NIT1: variants seen among roughly 807,000 people sequenced by gnomAD.
The protein encoded by NIT1 is nitrilase 1, also known as deaminated glutathione amidase.
NIT1 carries 30 observed loss-of-function variants against 36.8 expected under a neutral mutation model. The ratio of observed to expected loss-of-function variants is 0.82; its 90% CI spans 0.61 to 1.11. The LOEUF is 1.11. Ranked by LOEUF, NIT1 falls within the 50% of genes least tolerant of loss-of-function variation. The probability of loss-of-function intolerance (pLI) is 0.00; values close to 1 mark genes in which losing one functional copy is unlikely to be tolerated. For missense variants in NIT1, 438 were observed against 410.6 expected (o/e 1.07, Z -0.58); for synonymous variants, 151 against 155.6 (o/e 0.97, Z 0.22).
At position 161,119,171 on chromosome 1, in the gene NIT1, C is replaced by A. The variant is rs772170948; in HGVS notation, c.136C>A (p.Leu46Met). The change falls in exon 3 of 7, where the codon CTG becomes ATG. Residue 46 changes from leucine (L) to methionine (M), a missense_variant. Leu to Met is a conservative substitution (Grantham distance 15). Transcript: ENST00000368009. ...GGCTATCTCCTCTTCCTCCTGCGAA[C>A]TGCCCCTGGTGGCTGTGTGCCAGGT... ...AMAISSSSCE[L>M]PLVAVCQVTS... 4 of 1,614,122 alleles carry A rather than the reference C, an allele frequency of 2.5e-6. No homozygotes were observed. Among genetic ancestry groups the A allele is most frequent in the Non-Finnish European group, 3.4e-6 (4 of 1,180,030 alleles).
At position 161,120,994 on chromosome 1, in the gene NIT1, T is replaced by G; in HGVS notation, c.*229T>G. 1 of 1,399,178 alleles carries G rather than the reference T, an allele frequency of 7.1e-7. No individual in the cohort carries two copies. Among genetic ancestry groups the G allele is most frequent in the Non-Finnish European group, 9.3e-7 (1 of 1,078,816 alleles). The allele number at this position is 1,399,178 out of a possible 1,614,324, so 86.7% of individuals were successfully genotyped here. A position where few individuals can be genotyped will look rare whatever the true frequency, so the allele number is the denominator to read the frequency against. On this transcript the variant is annotated 3_prime_UTR_variant, in exon 7 of 7. Coordinates refer to ENST00000368009, the MANE Select transcript of NIT1 (RefSeq NM_005600.3). Reference sequence around the variant, plus strand: ...AGGTGGAATTTTATATAGTCATTGTTTATTTCATGGAAACTGAAGTTCTGC... The same window carrying G: ...AGGTGGAATTTTATATAGTCATTGTGTATTTCATGGAAACTGAAGTTCTGC...
In NIT1 at chr1:161,118,328, G is replaced by T; in HGVS notation, c.2+150G>T. Reference sequence around the variant, plus strand: ...AGGGTGGAGGGCGGGGCGCGGCTTGGGGCCTGGGTTCCTTTGCCCCTTGCC... The same window carrying T: ...AGGGTGGAGGGCGGGGCGCGGCTTGTGGCCTGGGTTCCTTTGCCCCTTGCC... On this transcript the variant is annotated intron_variant, in intron 1 of 6. Coordinates refer to ENST00000368009, the MANE Select transcript of NIT1 (RefSeq NM_005600.3). 5.9e-6 allele frequency: 9 copies of T among 1,531,978 alleles called. No individual in the cohort carries two copies. In the South Asian group the frequency reaches 9.6e-5, roughly 16 times the overall value. 94.9% of individuals were successfully genotyped at this position (1,531,978 alleles called of 1,614,324 possible).
At position 161,121,069 on chromosome 1, in the gene NIT1, GTGTC is replaced by G; in HGVS notation, c.*307_*310del. ...GAAAAATATAATAATCATAAAGTCT[GTGTC>G]TGGACATCGCCTTTGGGAACTAGAA... On this transcript the variant is annotated 3_prime_UTR_variant, in exon 7 of 7. Transcript: ENST00000368009. 3.3e-6 allele frequency: 4 copies of G among 1,212,536 alleles called. No homozygotes were observed. The highest frequency in any genetic ancestry group is 3.1e-6 in the Non-Finnish European group (3 of 965,744). 75.1% of individuals were successfully genotyped at this position (1,212,536 alleles called of 1,614,324 possible).
At chr1:161,120,272 A>T (rs1655309552) in intron 6 of NIT1, 40 bp downstream of exon 6, 1 of 1,608,992 alleles carries the variant, frequency 6.2e-7, no homozygotes, top group Admixed American at 1.7e-5. Context: ...GCCTTTTCTT[A>T]ACCTCATCTT....
chr1:161,122,048 G>A, downstream of NIT1: 1 of 1,414,224 alleles, frequency 7.1e-7, no homozygotes, highest in Middle Eastern at 2.6e-4. The surrounding 1 kb of genome is among the most constrained non-coding windows in gnomAD (Gnocchi z 4.2). Flanking sequence ...AAAAGGCAGG[G>A]GTGTGATTGG....
chr1:161,118,249 A>T, intron 1 of NIT1, 71 bp downstream of exon 1: 1 of 1,613,220 alleles, frequency 6.2e-7, no homozygotes, highest in African/African-American at 1.3e-5. Context: ...TGTAACAGAG[A>T]TGCTGCCTCT....
At chr1:161,122,576 T>G (rs1380240767), downstream of NIT1, 1 of 1,568,826 alleles carries the variant, frequency 6.4e-7, no homozygotes, top group Non-Finnish European at 8.6e-7. This position sits in a 1 kb window ranked among gnomAD's most constrained non-coding sequence, Gnocchi z 4.2. Flanking sequence ...GGGATGAGTT[T>G]ACAAGCCAAG....
At position 161,120,654 on chromosome 1, in the gene NIT1, C is replaced by T. The variant is rs762579888; in HGVS notation, c.873C>T (p.Leu291=). The T allele has an allele frequency of 5.0e-6, 8 of 1,614,112 alleles. No homozygotes were observed. The highest frequency in any genetic ancestry group is 5.9e-6 in the Non-Finnish European group (7 of 1,180,060). The change falls in exon 7 of 7, where the codon CTC becomes CTT. Residue 291 remains leucine, a synonymous_variant. Coordinates refer to ENST00000368009, the MANE Select transcript of NIT1 (RefSeq NM_005600.3). ...CCCGCTGCTCTGAGGGGCCAGGCCT[C>T]TGCCTTGCCCGAATAGACCTCAACT... The part of the protein sequence containing the change: ...VVARCSEGPG[L]CLARIDLNYL...
At chr1:161,124,537 A>G (rs1655948734), downstream of NIT1, 7 of 1,537,372 alleles carry the variant, frequency 4.6e-6, no homozygotes, top group Non-Finnish European at 5.3e-6. Context: ...CTGAAAGGGC[A>G]GGGAAAGAAC....
intron 6 of NIT1, 64 bp from the exon 7 acceptor site, chr1:161,120,435 C>T (rs1237271291): frequency 1.9e-6 from 3 of 1,560,540 alleles, no homozygotes; most frequent in African/African-American, 1.4e-5. Flanking sequence ...CTGTAATGTC[C>T]CTCACCTGTC....
downstream of NIT1, chr1:161,123,721 TGGGGCAAG>T (rs1655826767): frequency 1.2e-6 from 1 of 849,596 alleles, no homozygotes; most frequent in African/African-American, 1.7e-5. Context: ...TTTTTTTTTA[TGGGGCAAG>T]ATGTGGGCGC....
At chr1:161,123,768 G>GC, downstream of NIT1, 8 of 1,371,188 alleles carry the variant, frequency 5.8e-6, no homozygotes, top group Non-Finnish European at 8.1e-6. Flanking sequence ...AGCTGGCAAA[G>GC]CCCAGAATGT....
chr1:161,118,568 T>G (rs1415508782), intron 1 of NIT1: 2 of 1,536,212 alleles, frequency 1.3e-6, no homozygotes, highest in Non-Finnish European at 1.7e-6. Context: ...TCATTGGAAG[T>G]TGAACTATTC....
At chr1:161,118,229 C>G (rs1484889500) in intron 1 of NIT1, 51 bp downstream of exon 1, 1 of 1,613,760 alleles carries the variant, frequency 6.2e-7, no homozygotes, top group Non-Finnish European at 8.5e-7. Flanking sequence ...ACCTGCGGTG[C>G]TTTAACTTGT....
At chr1:161,120,086 G>A (rs1557972068) in intron 5 of NIT1, 21 bp from the exon 6 acceptor site, 1 of 1,614,086 alleles carries the variant, frequency 6.2e-7, no homozygotes, top group Non-Finnish European at 8.5e-7. Context: ...AGACTACTAA[G>A]TAGGCTGTTT....
chr1:161,118,649 T>C (rs1424082164), intron 1 of NIT1, 137 bp from the exon 2 acceptor site: 5 of 1,519,512 alleles, frequency 3.3e-6, no homozygotes, highest in East Asian at 2.4e-5. Flanking sequence ...TAATTTCTTA[T>C]AAAGAGCGTT....
chr1:161,124,360 T>C (rs753739390), downstream of NIT1: 5 of 1,614,058 alleles, frequency 3.1e-6, no homozygotes, highest in Admixed American at 6.7e-5. Context: ...GTCAGATGAG[T>C]GCCCACGATG....
chr1:161,124,833 C>T (rs1655984174), downstream of NIT1: 1 of 178,998 alleles, frequency 5.6e-6, no homozygotes, highest in East Asian at 1.5e-4. Flanking sequence ...TGGTGGTACA[C>T]GCCTGTAGTC....
At chr1:161,123,021 C>T, downstream of NIT1, 1 of 1,614,226 alleles carries the variant, frequency 6.2e-7, no homozygotes, top group Non-Finnish European at 8.5e-7. Context: ...CCCAGCAGTT[C>T]TTTATATTCT....
Sources: allele counts gnomAD v4.1 joint callset, GRCh38; gene constraint gnomAD v4.1.1; non-coding constraint Gnocchi (gnomAD v3.1); transcripts MANE v1.5; gene names NCBI Gene and HGNC (gene_info 2026-07-23, HGNC 2026-07-21).